Variants in MSRA observed in about 807,000 individuals in gnomAD.
MSRA encodes methionine sulfoxide reductase A.
A neutral mutation model predicts 31.3 loss-of-function variants in MSRA; 54 were observed. That is an observed-to-expected ratio of 1.73 (90% CI 1.39 to 2.17). The LOEUF (loss-of-function observed/expected upper bound fraction) is 2.17. MSRA is among the 30% of genes most tolerant of loss of function. The pLI, the probability that MSRA is intolerant of heterozygous loss-of-function variation, is 0.00. For missense variants in MSRA, 507 were observed against 300.9 expected (o/e 1.69, Z -5.07); for synonymous variants, 169 against 116.5 (o/e 1.45, Z -2.90).
At chr8:10,419,833 A>G (rs4841334) in intron 5 of MSRA, among the ~76,000 whole-genome samples, 151,330 of 152,284 alleles carry the variant, frequency 0.99, 75,198 homozygotes, top group Middle Eastern at 1. Flanking sequence ...TTATAATGGC[A>G]TCATGGCCAC....
chr8:10,169,349 G>C (rs529774297), intron 1 of MSRA, among the ~76,000 whole-genome samples: 2 of 152,208 alleles, frequency 1.3e-5, no homozygotes, highest in African/African-American at 4.8e-5. Context: ...GTATTCAGCT[G>C]TGTGAGTATG....
intron 4 of MSRA, among the ~76,000 whole-genome samples, chr8:10,319,604 G>T (rs1333483336): frequency 6.6e-6 from 1 of 151,450 alleles, no homozygotes; most frequent in African/African-American, 2.4e-5. Context: ...TCATGTAAAA[G>T]TATGTATTCA....
At chr8:10,272,874 G>C (rs891834851) in intron 3 of MSRA, among the ~76,000 whole-genome samples, 3 of 107,136 alleles carry the variant, frequency 2.8e-5, no homozygotes, top group African/African-American at 6.2e-5. Flanking sequence ...TTAAGTGAAT[G>C]AATGAATGGA....
At chr8:10,304,781 A>C (rs980895504) in intron 4 of MSRA, among the ~76,000 whole-genome samples, 3 of 152,214 alleles carry the variant, frequency 2.0e-5, no homozygotes, top group African/African-American at 7.2e-5. Flanking sequence ...GGTGGTGAAG[A>C]TATGTAAGAC....
At chr8:10,095,517 A>C in intron 1 of MSRA, 1 of 985,540 alleles carries the variant, frequency 1.0e-6, no homozygotes, top group South Asian at 4.7e-5. Flanking sequence ...ACCTCCGCCA[A>C]GACTGCTCGG....
chr8:10,134,792 T>C (rs1802151631), intron 1 of MSRA, among the ~76,000 whole-genome samples: 1 of 152,240 alleles, frequency 6.6e-6, no homozygotes, highest in African/African-American at 2.4e-5. Flanking sequence ...GAAGTATATC[T>C]TTAAGTCTTT....
intron 1 of MSRA, among the ~76,000 whole-genome samples, chr8:10,166,878 C>A (rs1333505227): frequency 6.6e-6 from 1 of 152,142 alleles, no homozygotes; most frequent in Non-Finnish European, 1.5e-5. Context: ...GGGACTGATG[C>A]CCCCATACCC....
At chr8:10,367,743 C>T (rs762183832) in intron 5 of MSRA, among the ~76,000 whole-genome samples, 1 of 152,190 alleles carries the variant, frequency 6.6e-6, no homozygotes, top group Non-Finnish European at 1.5e-5. Context: ...CTGGCTGGAC[C>T]CCACTGGTGT....
At chr8:10,075,183 C>T (rs1407543778) in intron 1 of MSRA, among the ~76,000 whole-genome samples, 1 of 152,098 alleles carries the variant, frequency 6.6e-6, no homozygotes, top group African/African-American at 2.4e-5. Context: ...TTAATGAGAG[C>T]TTATTTACTT....
chr8:10,223,018 A>G (rs1010862837), intron 2 of MSRA, among the ~76,000 whole-genome samples: 1 of 152,218 alleles, frequency 6.6e-6, no homozygotes, highest in Non-Finnish European at 1.5e-5. Flanking sequence ...TACTTAGCAT[A>G]ATTTACTTAT....
At chr8:10,167,750 G>A (rs564310241) in intron 1 of MSRA, among the ~76,000 whole-genome samples, 6 of 152,286 alleles carry the variant, frequency 3.9e-5, no homozygotes, top group Admixed American at 3.3e-4. Context: ...AGCCTGGAGA[G>A]TTGGGTCCAT....
intron 1 of MSRA, among the ~76,000 whole-genome samples, chr8:10,111,378 T>A (rs1434545211): frequency 6.6e-6 from 1 of 152,150 alleles, no homozygotes; most frequent in Non-Finnish European, 1.5e-5. Context: ...TTCTCTCTCT[T>A]GGGGCCACTT....
chr8:10,099,274 A>G (rs920896654), intron 1 of MSRA, among the ~76,000 whole-genome samples: 1 of 152,210 alleles, frequency 6.6e-6, no homozygotes, highest in African/African-American at 2.4e-5. Context: ...GGCGTGAGGC[A>G]GAGCTGGTGG....
At chr8:10,212,775 A>G (rs1809622139) in intron 2 of MSRA, among the ~76,000 whole-genome samples, 1 of 152,164 alleles carries the variant, frequency 6.6e-6, no homozygotes, top group South Asian at 2.1e-4. Context: ...GGGGCTATGT[A>G]GCCTTTAAAA....
chr8:10,229,110 T>A (rs1238247915), intron 2 of MSRA, among the ~76,000 whole-genome samples: 2 of 152,224 alleles, frequency 1.3e-5, no homozygotes, highest in Non-Finnish European at 2.9e-5. Context: ...TCTACTCATT[T>A]TTTACATGAC....
chr8:10,114,974 T>C (rs1177573760), intron 1 of MSRA, among the ~76,000 whole-genome samples: 1 of 152,308 alleles, frequency 6.6e-6, no homozygotes. Flanking sequence ...AGGGACTTAT[T>C]TACCAGATAT....
At chr8:10,214,843 T>C (rs1809850568) in intron 2 of MSRA, among the ~76,000 whole-genome samples, 1 of 152,218 alleles carries the variant, frequency 6.6e-6, no homozygotes, top group South Asian at 2.1e-4. Context: ...TTTATATATC[T>C]TGTGCATGAT....
At chr8:10,381,529 A>C (rs1806069611) in intron 5 of MSRA, among the ~76,000 whole-genome samples, 1 of 152,154 alleles carries the variant, frequency 6.6e-6, no homozygotes, top group African/African-American at 2.4e-5. Context: ...GTGAGTTTCC[A>C]TCACCCTTCA....
rs1248330504 is a variant in MSRA, at chr8:10,113,289, CTTCT to C, written c.142+58634_142+58637del. Reference sequence around the variant, plus strand: ...AGGCATGGCTTTGGTGAAGACAGGTCTTCTTTTTTTTTTTTTTTTTTTTTTGGAG... The same window carrying C: ...AGGCATGGCTTTGGTGAAGACAGGTCTTTTTTTTTTTTTTTTTTTTTGGAG... On this transcript the variant is annotated intron_variant, in intron 1 of 5. Transcript: ENST00000317173. Among the ~76,000 whole-genome samples the C allele has an allele frequency of 2.6e-4, 13 of 50,906 alleles. 1 individual carries two copies. The highest frequency in any genetic ancestry group is 8.8e-4 in the Admixed American group (3 of 3,412). The allele number at this position is 50,906 out of a possible 152,430, so 33.4% of individuals were successfully genotyped here. A position where few individuals can be genotyped will look rare whatever the true frequency, so the allele number is the denominator to read the frequency against.
Sources: gnomAD v4.1 joint callset for allele counts (sites outside exome capture counted in the v4.1 genomes callset) on GRCh38, gnomAD v4.1.1 for gene constraint, MANE v1.5 for transcripts, NCBI Gene and HGNC (gene_info 2026-07-23, HGNC 2026-07-21) for gene names.